Variants in DLG2 observed in about 807,000 individuals in gnomAD.
The protein encoded by DLG2 is discs large MAGUK scaffold protein 2, also known as disks large homolog 2.
In DLG2, 45 loss-of-function variants were observed where a neutral mutation model predicts 132.5. That is an observed-to-expected ratio of 0.34 (90% CI 0.27 to 0.44). The LOEUF (loss-of-function observed/expected upper bound fraction) is 0.44, where lower values mean the gene tolerates loss of function less well. DLG2 is among the 20% of genes least tolerant of loss of function. The pLI is 1.00. For synonymous variants in DLG2, 424 were observed against 419.6 expected (o/e 1.01, Z -0.13); for missense variants, 1,045 against 1,196.9 (o/e 0.87, Z 1.87).
chr11:83,992,104 T>C (rs1384748), intron 11 of DLG2, among the ~76,000 whole-genome samples: 149,708 of 152,266 alleles, frequency 0.98, 73,602 homozygotes, highest in East Asian at 1. Flanking sequence ...AACAAACTCT[T>C]GCATTTCTAA....
chr11:85,468,594 T>A (rs1029215094), intron 3 of DLG2, among the ~76,000 whole-genome samples: 4 of 152,212 alleles, frequency 2.6e-5, no homozygotes, highest in Non-Finnish European at 4.4e-5. Flanking sequence ...AGGAGCAGGT[T>A]GTTCAGTTTC....
intron 4 of DLG2, among the ~76,000 whole-genome samples, chr11:85,204,910 T>A (rs2081756945): frequency 6.6e-6 from 1 of 151,878 alleles, no homozygotes; most frequent in Non-Finnish European, 1.5e-5. Flanking sequence ...TCAACAAAGG[T>A]GTCAAGAAAA....
At position 84,353,161 on chromosome 11, in the gene DLG2, G is replaced by T. The variant is rs571691862; in HGVS notation, c.520-101870C>A. Among the ~76,000 whole-genome samples, 21 of 152,196 alleles carry T rather than the reference G, an allele frequency of 1.4e-4. No homozygotes were observed. The South Asian group carries it at 4.4e-3, about 32-fold the overall frequency. On this transcript the variant is annotated intron_variant, in intron 7 of 27. Coordinates refer to ENST00000376104, the MANE Select transcript of DLG2 (RefSeq NM_001142699.3). ...CTCTCCATTTTATCACCTCTCACTT[G>T]CTTCTCAACTTACTGCCAACTGTTT... is the stretch of plus-strand genomic sequence containing the variant.
chr11:84,522,181 C>CAAA (rs1257824594), intron 7 of DLG2, among the ~76,000 whole-genome samples: 1 of 93,040 alleles, frequency 1.1e-5, no homozygotes, highest in Admixed American at 1.1e-4. Flanking sequence ...AACGAACAAA[C>CAAA]AAAAAAAAAA....
chr11:83,801,267 G>C (rs1220691711), intron 17 of DLG2, among the ~76,000 whole-genome samples: 5 of 151,598 alleles, frequency 3.3e-5, no homozygotes, highest in African/African-American at 1.2e-4. Context: ...CAGTAGCCTC[G>C]ATGGGTCCCT....
intron 6 of DLG2, among the ~76,000 whole-genome samples, chr11:84,746,282 C>G (rs1372365064): frequency 6.6e-6 from 1 of 150,942 alleles, no homozygotes; most frequent in Non-Finnish European, 1.5e-5. Flanking sequence ...AAAAGATCAG[C>G]CATTCTATTT....
At chr11:84,622,216 A>T (rs527398083) in intron 6 of DLG2, among the ~76,000 whole-genome samples, 1 of 152,180 alleles carries the variant, frequency 6.6e-6, no homozygotes, top group African/African-American at 2.4e-5. Context: ...AGAGAAAAAA[A>T]TATTTATATT....
intron 6 of DLG2, among the ~76,000 whole-genome samples, chr11:84,970,245 A>T (rs1435860478): frequency 6.6e-6 from 1 of 152,168 alleles, no homozygotes; most frequent in African/African-American, 2.4e-5. Context: ...AAGTAGTTGA[A>T]GACAATCTCA....
intron 6 of DLG2, among the ~76,000 whole-genome samples, chr11:84,850,529 C>A (rs181745737): frequency 6.6e-6 from 1 of 152,220 alleles, no homozygotes; most frequent in Non-Finnish European, 1.5e-5. Flanking sequence ...TTGTATCCAA[C>A]AATGTACTGG....
At chr11:85,072,112 C>A (rs1279870311) in intron 6 of DLG2, among the ~76,000 whole-genome samples, 2 of 151,834 alleles carry the variant, frequency 1.3e-5, no homozygotes, top group East Asian at 3.9e-4. Context: ...AGTTCATTGT[C>A]CTCATTGTTA....
intron 9 of DLG2, among the ~76,000 whole-genome samples, chr11:84,099,322 T>C (rs2092182262): frequency 6.6e-6 from 1 of 151,992 alleles, no homozygotes; most frequent in Non-Finnish European, 1.5e-5. Context: ...AAGCAGGAAA[T>C]AAAAACTTAC....
At chr11:85,363,663 CA>C (rs1353373959) in intron 3 of DLG2, among the ~76,000 whole-genome samples, 4 of 152,132 alleles carry the variant, frequency 2.6e-5, no homozygotes, top group Non-Finnish European at 4.4e-5. Context: ...AAATACATTT[CA>C]AAAACTATAT....
intron 19 of DLG2, among the ~76,000 whole-genome samples, chr11:83,600,071 TG>T (rs2058275550): frequency 1.3e-5 from 2 of 152,300 alleles, no homozygotes; most frequent in South Asian, 2.1e-4. Context: ...TCCCAGGTTC[TG>T]GGCCAGAAAC....
intron 6 of DLG2, among the ~76,000 whole-genome samples, chr11:85,066,421 GAGAA>G (rs1027751906): frequency 2.1e-4 from 32 of 151,638 alleles, no homozygotes; most frequent in African/African-American, 6.8e-4. Flanking sequence ...TCAAGGGGGA[GAGAA>G]TCCTCCCTGA....
At chr11:83,629,733 G>A (rs1049939087) in intron 19 of DLG2, among the ~76,000 whole-genome samples, 5 of 152,166 alleles carry the variant, frequency 3.3e-5, no homozygotes, top group African/African-American at 9.6e-5. Flanking sequence ...ATCTTCATGA[G>A]CTCATAAACT....
Position 85,350,422 on chromosome 11 carries a change from A to G in DLG2, c.41-65057T>C, listed in dbSNP as rs140350996. Among the ~76,000 whole-genome samples the G allele has an allele frequency of 9.1e-3, 1,388 of 152,260 alleles. 17 individuals carry two copies. Among genetic ancestry groups the G allele is most frequent in the African/African-American group, 0.03 (1,248 of 41,540 alleles). ...GAGCTTTTTAGTTTAATTAGATCCC[A>G]TTTGTCAATTTTAGCTTTTGTTGCC... is the stretch of plus-strand genomic sequence containing the variant. On this transcript the variant is annotated intron_variant, in intron 3 of 27. Transcript: ENST00000376104.
chr11:83,549,451 G>A (rs961129146), intron 19 of DLG2, among the ~76,000 whole-genome samples: 10 of 152,102 alleles, frequency 6.6e-5, no homozygotes, highest in Non-Finnish European at 1.3e-4. Flanking sequence ...AGATGATAAA[G>A]GAAGAGCATT....
At chr11:84,229,524 C>G (rs2097059866) in intron 8 of DLG2, among the ~76,000 whole-genome samples, 1 of 152,192 alleles carries the variant, frequency 6.6e-6, no homozygotes, top group Non-Finnish European at 1.5e-5. Flanking sequence ...AGCAGACTCT[C>G]TGAGTGAGCA....
intron 4 of DLG2, among the ~76,000 whole-genome samples, chr11:85,177,896 A>T (rs1341119228): frequency 3.9e-5 from 6 of 152,090 alleles, no homozygotes; most frequent in Non-Finnish European, 1.5e-5. Context: ...ACTTGAATTT[A>T]ATCATAAGGA....
Sources: gnomAD v4.1 joint callset for allele counts (sites outside exome capture counted in the v4.1 genomes callset) on GRCh38, gnomAD v4.1.1 for gene constraint, MANE v1.5 for transcripts, NCBI Gene and HGNC (gene_info 2026-07-23, HGNC 2026-07-21) for gene names.